ATP8B4: variants seen among roughly 807,000 people sequenced by gnomAD.
ATP8B4 encodes the protein probable phospholipid-transporting ATPase IM.
Under a neutral mutation model 145.6 loss-of-function variants are expected in ATP8B4, and 133 were observed. That is an observed-to-expected ratio of 0.91 (90% CI 0.79 to 1.05). ATP8B4 has a LOEUF of 1.05. Among genes scored for constraint, ATP8B4 ranks in the 50% least tolerant of loss-of-function variants. The probability of loss-of-function intolerance (pLI) is 0.00; values close to 1 mark genes in which losing one functional copy is unlikely to be tolerated. For synonymous variants in ATP8B4, 507 were observed against 492.9 expected (o/e 1.03, Z -0.38); for missense variants, 1,458 against 1,425.2 (o/e 1.02, Z -0.37).
chr15:50,167,228 C>G (rs948206419), intron 1 of ATP8B4, among the ~76,000 whole-genome samples: 20 of 152,128 alleles, frequency 1.3e-4, no homozygotes, highest in Non-Finnish European at 2.6e-4. Context: ...GCTACTGTAA[C>G]AAATCACCAT....
chr15:50,120,607 GTGTA>G (rs1468214312), upstream of ATP8B4, among the ~76,000 whole-genome samples: 2 of 152,098 alleles, frequency 1.3e-5, no homozygotes, highest in Admixed American at 6.6e-5. Flanking sequence ...GTATTGAAAT[GTGTA>G]TGTGTTTTTA....
chr15:49,903,240 G>C (rs1275253404), intron 20 of ATP8B4, among the ~76,000 whole-genome samples: 1 of 152,090 alleles, frequency 6.6e-6, no homozygotes, highest in African/African-American at 2.4e-5. Context: ...TCACAAAAAC[G>C]ATTTATTAGG....
chr15:49,868,107 CA>C (rs1356471350), intron 25 of ATP8B4, among the ~76,000 whole-genome samples: 3 of 152,098 alleles, frequency 2.0e-5, no homozygotes, highest in Admixed American at 2.0e-4. Context: ...TCTGTGATAA[CA>C]AATAGCATAG....
intron 2 of ATP8B4, among the ~76,000 whole-genome samples, chr15:50,081,786 AAC>A (rs2054573947): frequency 6.6e-6 from 1 of 152,246 alleles, no homozygotes; most frequent in African/African-American, 2.4e-5. Flanking sequence ...TAACAAATAC[AAC>A]AGTCTTTCTT....
chr15:50,100,205 T>C (rs2056264438), intron 2 of ATP8B4, among the ~76,000 whole-genome samples: 1 of 152,136 alleles, frequency 6.6e-6, no homozygotes, highest in African/African-American at 2.4e-5. Context: ...TGAAAGTGCA[T>C]AGAAATGTAA....
chr15:49,965,647 C>T (rs1475159883), intron 13 of ATP8B4, among the ~76,000 whole-genome samples: 1 of 152,116 alleles, frequency 6.6e-6, no homozygotes, highest in Non-Finnish European at 1.5e-5. Flanking sequence ...TCAAGGCAGC[C>T]CCGTAAATGA....
chr15:50,010,959 ATTG>A, intron 6 of ATP8B4, 42 bp from the exon 7 acceptor site: 2 of 1,351,296 alleles, frequency 1.5e-6, no homozygotes, highest in Non-Finnish European at 2.0e-6. Context: ...AGAATGAAGA[ATTG>A]AAAGTATAAC....
intron 25 of ATP8B4, among the ~76,000 whole-genome samples, chr15:49,870,219 T>A (rs558383412): frequency 6.6e-6 from 1 of 152,314 alleles, no homozygotes; most frequent in African/African-American, 2.4e-5. Context: ...CTGACCAGAA[T>A]ATCTAGTTAA....
chr15:50,061,613 C>T (rs1231708384), intron 3 of ATP8B4, among the ~76,000 whole-genome samples: 1 of 152,056 alleles, frequency 6.6e-6, no homozygotes, highest in African/African-American at 2.4e-5. Flanking sequence ...CATTCAATTC[C>T]AGTATACCCT....
intron 1 of ATP8B4, among the ~76,000 whole-genome samples, chr15:50,162,570 G>A (rs972940826): frequency 3.5e-4 from 53 of 152,064 alleles, no homozygotes; most frequent in African/African-American, 1.1e-3. Context: ...GCAGTGGCGC[G>A]ATCTCAGCTC....
chr15:49,998,745 T>C (rs1196539606), intron 8 of ATP8B4, among the ~76,000 whole-genome samples: 3 of 152,214 alleles, frequency 2.0e-5, no homozygotes, highest in Non-Finnish European at 4.4e-5. Context: ...TTAGTTTAAT[T>C]AGATCCCATT....
intron 6 of ATP8B4, among the ~76,000 whole-genome samples, chr15:50,013,427 T>C (rs2048862298): frequency 6.6e-6 from 1 of 152,148 alleles, no homozygotes; most frequent in South Asian, 2.1e-4. Flanking sequence ...TGTAGATGAA[T>C]TGCAGTATAT....
intron 2 of ATP8B4, among the ~76,000 whole-genome samples, chr15:50,085,168 A>G (rs1369647121): frequency 6.6e-6 from 1 of 152,172 alleles, no homozygotes. Flanking sequence ...CATCACCACC[A>G]GAGGCCAAGT....
chr15:49,861,875 CTT>C (rs1440858489), intron 27 of ATP8B4, among the ~76,000 whole-genome samples: 1 of 152,212 alleles, frequency 6.6e-6, no homozygotes, highest in Non-Finnish European at 1.5e-5. Flanking sequence ...GCTTGTCTCT[CTT>C]TTATTGTGCT....
rs1336969451 is a variant in ATP8B4, at chr15:49,866,267, AC to A, written c.3166+78del. On this transcript the variant is annotated intron_variant, in intron 26 of 27. Coordinates refer to ENST00000284509, the MANE Select transcript of ATP8B4 (RefSeq NM_024837.4). Reference sequence around the variant, plus strand: ...AGGATCACTAATCATCCCCAGCTCTACCTAACACAAAAAATAAATTATAAGA... The same window carrying A: ...AGGATCACTAATCATCCCCAGCTCTACTAACACAAAAAATAAATTATAAGA... 2.6e-5 allele frequency: 40 copies of A among 1,520,926 alleles called. No homozygotes were observed. In the East Asian group the frequency reaches 9.1e-4, roughly 35 times the overall value. 94.2% of individuals were successfully genotyped at this position (1,520,926 alleles called of 1,614,324 possible). A position where few individuals can be genotyped will look rare whatever the true frequency, so the allele number is the denominator to read the frequency against.
At chr15:50,029,243 A>AAAAAAAAC (rs1012984005) in intron 6 of ATP8B4, among the ~76,000 whole-genome samples, 4 of 149,202 alleles carry the variant, frequency 2.7e-5, no homozygotes, top group African/African-American at 1.0e-4. Context: ...CATCTTAAAA[A>AAAAAAAAC]AAAAAAAAAA....
chr15:49,926,343 A>G (rs1384013571), intron 16 of ATP8B4, among the ~76,000 whole-genome samples: 3 of 152,126 alleles, frequency 2.0e-5, no homozygotes, highest in Non-Finnish European at 4.4e-5. Context: ...GGCATCACTC[A>G]CAGTTCTCCC....
In ATP8B4 at chr15:49,996,730, A is replaced by G. The variant is rs2047458669; in HGVS notation, c.536T>C (p.Leu179Pro). Reference sequence around the variant, plus strand: ...TGCTCCAAGTTCTGAAGTAACTGATAGTGCATGGCGGACTTTTAGGTTCGT... The same window carrying G: ...TGCTCCAAGTTCTGAAGTAACTGATGGTGCATGGCGGACTTTTAGGTTCGT... ...GETNLKVRHA[L>P]SVTSELGADI... Residue 179 changes from leucine to proline, a missense_variant, in exon 9 of 28, where the codon CTA (leucine) becomes CCA (proline). Transcript: ENST00000284509. 6.2e-7 allele frequency: 1 copy of G among 1,610,666 alleles called. No homozygotes were observed. The highest frequency in any genetic ancestry group is 8.5e-7 in the Non-Finnish European group (1 of 1,177,692).
chr15:50,113,587 C>T (rs774506084), intron 1 of ATP8B4, among the ~76,000 whole-genome samples: 3 of 152,022 alleles, frequency 2.0e-5, no homozygotes, highest in South Asian at 4.1e-4. Flanking sequence ...ACCTGTAATC[C>T]CAGCACTTTG....
Sources: allele counts gnomAD v4.1 joint callset (sites outside exome capture counted in the v4.1 genomes callset), GRCh38; gene constraint gnomAD v4.1.1; transcripts MANE v1.5; gene names NCBI Gene and HGNC (gene_info 2026-07-23, HGNC 2026-07-21).